Variants in CCDC144A observed in about 807,000 individuals in gnomAD.
CCDC144A encodes coiled-coil domain containing 144A.
Under a neutral mutation model 143.8 loss-of-function variants are expected in CCDC144A, and 41 were observed. The ratio of observed to expected loss-of-function variants is 0.29; its 90% CI spans 0.22 to 0.37. The LOEUF (loss-of-function observed/expected upper bound fraction) is 0.37, where lower values mean the gene tolerates loss of function less well. Ranked by LOEUF, CCDC144A falls within the 10% of genes least tolerant of loss-of-function variation. CCDC144A has a pLI of 1.00. For synonymous variants in CCDC144A, 242 were observed against 517.9 expected, an observed-to-expected ratio of 0.47 and a Z score of 7.23; for missense variants, 637 against 1,488.8, an observed-to-expected ratio of 0.43 and a Z score of 9.41.
intron 8 of CCDC144A, among the ~76,000 whole-genome samples, chr17:16,721,912 T>C (rs952102390): frequency 2.6e-5 from 4 of 152,228 alleles, no homozygotes; most frequent in Admixed American, 2.6e-4. Context: ...GTTTTACTTC[T>C]TCTTTTCAAC....
intron 12 of CCDC144A, among the ~76,000 whole-genome samples, chr17:16,754,445 AT>A (rs887510605): frequency 7.9e-5 from 12 of 151,834 alleles, no homozygotes; most frequent in African/African-American, 2.4e-4. Flanking sequence ...ATAGGGATTG[AT>A]TTTTTTCCCC....
At chr17:16,687,823 C>T (rs559671913), upstream of CCDC144A, among the ~76,000 whole-genome samples, 1 of 152,190 alleles carries the variant, frequency 6.6e-6, no homozygotes, top group South Asian at 2.1e-4. Context: ...CCTCAATTCA[C>T]GGGGCATTTC....
At chr17:16,707,796 C>G (rs959719884) in intron 4 of CCDC144A, among the ~76,000 whole-genome samples, 3 of 152,252 alleles carry the variant, frequency 2.0e-5, no homozygotes. Context: ...TTTGCTCTTC[C>G]ATTCTTACAA....
Position 16,690,405 on chromosome 17 carries a change from C to T in CCDC144A, c.5C>T (p.Ala2Val), listed in dbSNP as rs2928658. Residue 2 changes from alanine to valine, a missense_variant, in exon 1 of 17, where the codon GCC becomes GTC. Transcript: ENST00000399273. ...CGAGGCAGTAGCTCGCTACTGATGG[C>T]CTCCTGGGGTGGAGAAAAGCGGGGA... is the stretch of plus-strand genomic sequence containing the variant. MASWGGEKRGGA... is the reference protein window; with the variant it reads MVSWGGEKRGGA... 1.3e-6 allele frequency: 2 copies of T among 1,552,348 alleles called. No homozygotes were observed. The highest frequency in any genetic ancestry group is 1.2e-5 in the South Asian group (1 of 83,102).
At chr17:16,770,011 A>G (rs1302612680) in intron 15 of CCDC144A, among the ~76,000 whole-genome samples, 2 of 150,096 alleles carry the variant, frequency 1.3e-5, no homozygotes, top group African/African-American at 4.9e-5. Flanking sequence ...TATTTTTAGT[A>G]GAGACGGGGT....
At chr17:16,688,357 G>A (rs1910854453), upstream of CCDC144A, among the ~76,000 whole-genome samples, 1 of 151,978 alleles carries the variant, frequency 6.6e-6, no homozygotes, top group Admixed American at 6.6e-5. Context: ...GCTGAGCTGT[G>A]CAGATGTGCA....
intron 12 of CCDC144A, among the ~76,000 whole-genome samples, chr17:16,758,935 T>C (rs988124715): frequency 3.3e-5 from 5 of 152,206 alleles, no homozygotes; most frequent in Admixed American, 1.3e-4. Context: ...GTGCTTCCTG[T>C]GAAGGAAGCA....
At chr17:16,688,506 T>C (rs1202018499), upstream of CCDC144A, among the ~76,000 whole-genome samples, 1 of 142,846 alleles carries the variant, frequency 7.0e-6, no homozygotes, top group Non-Finnish European at 1.5e-5. Flanking sequence ...TTTTTTTTTT[T>C]TGAGATGGAG....
chr17:16,674,016 A>C, the CCDC144A span, among the ~76,000 whole-genome samples: 1 of 152,126 alleles, frequency 6.6e-6, no homozygotes, highest in African/African-American at 2.4e-5. Context: ...AAATATCTAC[A>C]TGTACTAATC....
chr17:16,733,401 G>T (rs1393165633), intron 11 of CCDC144A, among the ~76,000 whole-genome samples: 1 of 148,766 alleles, frequency 6.7e-6, no homozygotes. Flanking sequence ...TACTCGGGAG[G>T]CTGAGGCAGG....
At chr17:16,726,025 A>G (rs962798545) in intron 8 of CCDC144A, among the ~76,000 whole-genome samples, 8 of 152,046 alleles carry the variant, frequency 5.3e-5, no homozygotes, top group African/African-American at 1.9e-4. Flanking sequence ...ACTTCCATCC[A>G]TTTTAGCTTT....
chr17:16,740,400 A>G (rs1914205891), intron 12 of CCDC144A, among the ~76,000 whole-genome samples: 1 of 152,216 alleles, frequency 6.6e-6, no homozygotes, highest in Non-Finnish European at 1.5e-5. Context: ...CATTGAATAA[A>G]TACTTCAACC....
chr17:16,711,150 A>C (rs1268330741), intron 5 of CCDC144A, among the ~76,000 whole-genome samples: 1 of 140,954 alleles, frequency 7.1e-6, no homozygotes, highest in South Asian at 2.3e-4. Flanking sequence ...AAAAAAAAAA[A>C]AAAAAAAACA....
intron 12 of CCDC144A, among the ~76,000 whole-genome samples, chr17:16,755,661 G>A (rs762908754): frequency 6.4e-4 from 97 of 152,338 alleles, no homozygotes; most frequent in Non-Finnish European, 1.1e-3. Flanking sequence ...CCAGGTTCAA[G>A]CAATTCTTGT....
the CCDC144A span, among the ~76,000 whole-genome samples, chr17:16,680,697 G>A: frequency 6.6e-6 from 1 of 151,228 alleles, no homozygotes; most frequent in African/African-American, 2.4e-5. Flanking sequence ...GAAGAAAAAA[G>A]GAAGGAAATA....
At chr17:16,706,992 A>G (rs1912101790) in intron 3 of CCDC144A, 1 of 152,310 alleles carries the variant, frequency 6.6e-6, no homozygotes, top group South Asian at 2.1e-4. Flanking sequence ...TTAAAAGATG[A>G]AAATATTAAT....
intron 2 of CCDC144A, among the ~76,000 whole-genome samples, chr17:16,699,563 G>A (rs1386007394): frequency 3.2e-4 from 30 of 93,590 alleles, no homozygotes; most frequent in Admixed American, 1.3e-3. Context: ...TTGAACGGGT[G>A]TGATTATAGC....
chr17:16,700,563 A>C (rs1911677193), intron 2 of CCDC144A, among the ~76,000 whole-genome samples: 3 of 152,136 alleles, frequency 2.0e-5, no homozygotes, highest in Non-Finnish European at 4.4e-5. Context: ...AGCCTTTCTA[A>C]GGATGGGTGT....
chr17:16,675,773 C>T, the CCDC144A span, among the ~76,000 whole-genome samples: 2 of 151,964 alleles, frequency 1.3e-5, no homozygotes, highest in Admixed American at 6.6e-5. Context: ...GACGGAATCT[C>T]GCTCTGTCGC....
Sources: gnomAD v4.1 joint callset for allele counts (sites outside exome capture counted in the v4.1 genomes callset) on GRCh38, gnomAD v4.1.1 for gene constraint, MANE v1.5 for transcripts, NCBI Gene and HGNC (gene_info 2026-07-23, HGNC 2026-07-21) for gene names.